LRP1B: variants seen among roughly 807,000 people sequenced by gnomAD.
LRP1B encodes the protein low-density lipoprotein receptor-related protein 1B.
In LRP1B, 217 loss-of-function variants were observed where a neutral mutation model predicts 556.6. The ratio of observed to expected loss-of-function variants is 0.39; its 90% CI spans 0.35 to 0.44. LRP1B has a LOEUF of 0.44. Ranked by LOEUF, LRP1B falls within the 20% of genes least tolerant of loss-of-function variation. The probability of loss-of-function intolerance (pLI) is 1.00; values close to 1 mark genes in which losing one functional copy is unlikely to be tolerated. For missense variants in LRP1B, 5,053 were observed against 5,620.8 expected, an observed-to-expected ratio of 0.90 and a Z score of 3.23; for synonymous variants, 2,047 against 1,865.8, an observed-to-expected ratio of 1.10 and a Z score of -2.50.
Position 141,077,113 on chromosome 2 carries a change from C to T in LRP1B, c.1014-14840G>A, listed in dbSNP as rs539341534. On this transcript the variant is annotated intron_variant, in intron 7 of 90. Transcript: ENST00000389484. ...TATTTTAAAAATTAGCCAGGCGTGG[C>T]AGCGTGTGCCTCTAGTCGCAGCTAC... Among the ~76,000 whole-genome samples the T allele has an allele frequency of 3.9e-5, 6 of 152,078 alleles. No individual in the cohort carries two copies. The South Asian group carries it at 1.2e-3, about 32-fold the overall frequency.
At chr2:141,754,758 A>G (rs1002284473) in intron 2 of LRP1B, among the ~76,000 whole-genome samples, 3 of 152,146 alleles carry the variant, frequency 2.0e-5, no homozygotes, top group African/African-American at 7.2e-5. Flanking sequence ...CAACCATGCA[A>G]TTGCCTTTTT....
At chr2:140,850,365 G>A in intron 28 of LRP1B, 36 bp from the exon 29 acceptor site, 1 of 1,329,748 alleles carries the variant, frequency 7.5e-7, no homozygotes, top group Non-Finnish European at 1.1e-6. Flanking sequence ...CTCTTATGAA[G>A]TTGGCAAGCT....
chr2:140,993,927 C>T (rs2105358467), intron 16 of LRP1B, 68 bp downstream of exon 16: 2 of 1,489,200 alleles, frequency 1.3e-6, no homozygotes, highest in South Asian at 1.2e-5. Flanking sequence ...TCACAAACTG[C>T]CTTGATAATT....
chr2:140,785,973 T>C (rs1246252118), intron 32 of LRP1B, among the ~76,000 whole-genome samples: 1 of 152,174 alleles, frequency 6.6e-6, no homozygotes, highest in African/African-American at 2.4e-5. Context: ...CTTCCTCATC[T>C]TCCCCGTAGA....
intron 7 of LRP1B, among the ~76,000 whole-genome samples, chr2:141,066,079 A>T (rs934174936): frequency 6.6e-6 from 1 of 152,024 alleles, no homozygotes. Context: ...AGTTTCCACT[A>T]ACAAAAATTA....
chr2:141,270,755 T>G (rs575240274), intron 3 of LRP1B, among the ~76,000 whole-genome samples: 1 of 151,844 alleles, frequency 6.6e-6, no homozygotes, highest in Non-Finnish European at 1.5e-5. Context: ...AGAGACAAAG[T>G]AGAATGGTGG....
chr2:140,233,427 A>G (rs932181005), intron 90 of LRP1B, 101 bp from the exon 91 acceptor site: 1 of 691,890 alleles, frequency 1.4e-6, no homozygotes, highest in Middle Eastern at 4.3e-4. Flanking sequence ...CAATATTTAT[A>G]TGCAATACAT....
At chr2:141,018,449 A>G (rs1262655524) in intron 12 of LRP1B, among the ~76,000 whole-genome samples, 1 of 152,152 alleles carries the variant, frequency 6.6e-6, no homozygotes, top group Non-Finnish European at 1.5e-5. Context: ...AGCTTGAACT[A>G]TGTAGATGCT....
chr2:142,088,839 G>C (rs1298193751), intron 1 of LRP1B, among the ~76,000 whole-genome samples: 1 of 151,884 alleles, frequency 6.6e-6, no homozygotes, highest in African/African-American at 2.4e-5. Flanking sequence ...GCCGGGCTTG[G>C]TGGTGGGTGC....
At chr2:141,314,585 A>AT (rs1293629838) in intron 3 of LRP1B, among the ~76,000 whole-genome samples, 1 of 151,528 alleles carries the variant, frequency 6.6e-6, no homozygotes, top group Non-Finnish European at 1.5e-5. Flanking sequence ...AGGTCAGGAG[A>AT]TCGAGACCAT....
chr2:141,105,653 T>C (rs1267589552), intron 7 of LRP1B, among the ~76,000 whole-genome samples: 1 of 129,840 alleles, frequency 7.7e-6, no homozygotes, highest in African/African-American at 2.5e-5. Context: ...TCAAACTCTT[T>C]GGAAAAGTCA....
chr2:141,448,899 G>A (rs1375435837), intron 3 of LRP1B, among the ~76,000 whole-genome samples: 1 of 152,198 alleles, frequency 6.6e-6, no homozygotes, highest in Non-Finnish European at 1.5e-5. Context: ...CATCTTCAGA[G>A]TTCAAGAAGC....
At chr2:141,292,085 C>T (rs2105411361) in intron 3 of LRP1B, among the ~76,000 whole-genome samples, 1 of 152,276 alleles carries the variant, frequency 6.6e-6, no homozygotes, top group East Asian at 1.9e-4. Flanking sequence ...TGAGCTCCAC[C>T]TCCTGTCAGA....
rs570591707 is a variant in LRP1B at position 141,672,331 on chromosome 2, C to G, written c.205+137948G>C. ...TAGCATTTTTGATTTAGTGGGAGAG[C>G]TTGAGGGTCCCAGGGCATTGTGCAG... is the stretch of plus-strand genomic sequence containing the variant. On this transcript the variant is annotated intron_variant, in intron 2 of 90. Coordinates refer to ENST00000389484, the MANE Select transcript of LRP1B (RefSeq NM_018557.3). Among the ~76,000 whole-genome samples, 27 of 152,148 alleles carry G rather than the reference C, an allele frequency of 1.8e-4. No individual in the cohort carries two copies. The East Asian group carries it at 5.2e-3, about 29-fold the overall frequency.
chr2:140,873,253 C>T (rs999327583), intron 25 of LRP1B, among the ~76,000 whole-genome samples: 2 of 151,958 alleles, frequency 1.3e-5, no homozygotes, highest in Non-Finnish European at 2.9e-5. Context: ...AAACCCAGCC[C>T]AAGACGGAAT....
At chr2:141,067,394 T>C (rs1400985375) in intron 7 of LRP1B, among the ~76,000 whole-genome samples, 2 of 152,058 alleles carry the variant, frequency 1.3e-5, no homozygotes, top group Admixed American at 6.6e-5. Context: ...TATTGATCTT[T>C]ACTTGTTTGG....
intron 1 of LRP1B, among the ~76,000 whole-genome samples, chr2:141,880,501 C>A (rs1698920858): frequency 6.6e-6 from 1 of 151,454 alleles, no homozygotes; most frequent in South Asian, 2.1e-4. Flanking sequence ...CAACAAAAAA[C>A]TAATAATAAT....
intron 2 of LRP1B, among the ~76,000 whole-genome samples, chr2:141,752,765 C>A (rs1015607439): frequency 2.0e-5 from 3 of 148,762 alleles, no homozygotes; most frequent in Admixed American, 6.7e-5. Flanking sequence ...CATGGAGAAA[C>A]CCTGTCTCCA....
At chr2:141,976,587 G>A (rs754685568) in intron 1 of LRP1B, among the ~76,000 whole-genome samples, 2 of 152,080 alleles carry the variant, frequency 1.3e-5, no homozygotes, top group Non-Finnish European at 2.9e-5. Context: ...AATACAAAGA[G>A]CATATATTGT....
Sources: allele counts gnomAD v4.1 joint callset (sites outside exome capture counted in the v4.1 genomes callset), GRCh38; gene constraint gnomAD v4.1.1; transcripts MANE v1.5; gene names NCBI Gene and HGNC (gene_info 2026-07-23, HGNC 2026-07-21).